Variants in RPS6KA2 observed in about 807,000 individuals in gnomAD.
The protein encoded by RPS6KA2 is ribosomal protein S6 kinase alpha-2.
Under a neutral mutation model 91.8 loss-of-function variants are expected in RPS6KA2, and 42 were observed. That is an observed-to-expected ratio of 0.46 (90% confidence interval 0.36 to 0.59). RPS6KA2 has a LOEUF of 0.59. Among genes scored for constraint, RPS6KA2 ranks in the 20% least tolerant of loss-of-function variants. RPS6KA2 has a pLI of 0.00. For synonymous variants in RPS6KA2, 414 were observed against 393.6 expected (o/e 1.05, Z -0.61); for missense variants, 798 against 978.5 (o/e 0.82, Z 2.46).
At chr6:166,713,232 C>T (rs766248185) in intron 2 of RPS6KA2, among the ~76,000 whole-genome samples, 3 of 152,190 alleles carry the variant, frequency 2.0e-5, no homozygotes, top group Non-Finnish European at 4.4e-5. Flanking sequence ...TGACCCACAG[C>T]CACTTGGATC....
At position 166,665,676 on chromosome 6, in the gene RPS6KA2, T is replaced by A. The variant is rs1186299301; in HGVS notation, c.124-126892A>T. On this transcript the variant is annotated intron_variant, in intron 2 of 21. Transcript: ENST00000503859. The surrounding 1 kb of genome is among the most constrained non-coding windows in gnomAD (Gnocchi z 4.5). ...GAGACATGAAGTTTGCTACTGAAGG[T>A]CTCCCAGCAAGCTGCAGGCGGCCCT... Among the ~76,000 whole-genome samples the A allele has an allele frequency of 3.3e-5, 5 of 152,240 alleles. No homozygotes were observed. The highest frequency in any genetic ancestry group is 3.3e-4 in the Admixed American group (5 of 15,286).
At position 166,774,546 on chromosome 6, in the gene RPS6KA2, C is replaced by T. The variant is rs138538912; in HGVS notation, c.123+83654G>A. Among the ~76,000 whole-genome samples the T allele has an allele frequency of 5.9e-3, 891 of 152,254 alleles. 5 individuals carry two copies. Among genetic ancestry groups the T allele is most frequent in the Middle Eastern group, 0.01 (3 of 294 alleles). On this transcript the variant is annotated intron_variant, in intron 2 of 21. Coordinates refer to the RPS6KA2 transcript ENST00000503859. The stretch of plus-strand genomic sequence containing the variant: ...GTGGCTAAGCTCTCCCAAGATGCTA[C>T]GGACCATGGTAGGGAGCTCAGCCTC...
intron 1 of RPS6KA2, among the ~76,000 whole-genome samples, chr6:166,606,589 T>C (rs1359129729): frequency 1.3e-5 from 2 of 152,246 alleles, no homozygotes; most frequent in African/African-American, 4.8e-5. Flanking sequence ...GCAAATAATA[T>C]GCCTGAGAAG....
At chr6:166,538,455 C>T (rs1440755082) in intron 2 of RPS6KA2, among the ~76,000 whole-genome samples, 2 of 152,194 alleles carry the variant, frequency 1.3e-5, no homozygotes, top group African/African-American at 2.4e-5. Flanking sequence ...TGTGACGGCT[C>T]CAACGGCATT....
At chr6:166,776,920 T>C (rs1481756446) in intron 2 of RPS6KA2, among the ~76,000 whole-genome samples, 1 of 152,228 alleles carries the variant, frequency 6.6e-6, no homozygotes, top group East Asian at 1.9e-4. Context: ...CAATCTTGGG[T>C]ACATACCTAG....
chr6:166,669,216 G>A (rs1458307086), intron 2 of RPS6KA2, among the ~76,000 whole-genome samples: 2 of 152,084 alleles, frequency 1.3e-5, no homozygotes, highest in Non-Finnish European at 2.9e-5. Flanking sequence ...TCTTAATGGG[G>A]ACAGTGACAG....
rs897204425 is a variant in RPS6KA2 at position 166,533,941 on chromosome 6, G to A, written c.217-2628C>T. 9.9e-5 allele frequency among the ~76,000 whole-genome samples: 15 copies of A among 152,034 alleles called. No homozygotes were observed. The highest frequency in any genetic ancestry group is 3.4e-4 in the African/African-American group (14 of 41,408). On this transcript the variant is annotated intron_variant, in intron 2 of 20. Coordinates refer to ENST00000265678, the MANE Select transcript of RPS6KA2 (RefSeq NM_021135.6). The surrounding 1 kb of genome is among the most constrained non-coding windows in gnomAD (Gnocchi z 4.0). ...TAGTAAAAATAAAAATAAAAATTAG[G>A]GCTGGGTGCGGTGGCTCACGCCTGT...
At chr6:166,510,610 T>C (rs568609536) in intron 3 of RPS6KA2, among the ~76,000 whole-genome samples, 5 of 94,586 alleles carry the variant, frequency 5.3e-5, no homozygotes, top group African/African-American at 1.9e-4. Flanking sequence ...TATATATATA[T>C]GCATCTCTAG....
intron 2 of RPS6KA2, among the ~76,000 whole-genome samples, chr6:166,633,941 CG>C: frequency 6.6e-6 from 1 of 152,184 alleles, no homozygotes; most frequent in Non-Finnish European, 1.5e-5. Flanking sequence ...TAGAGGGACA[CG>C]GGGACGGTTT....
intron 3 of RPS6KA2, among the ~76,000 whole-genome samples, chr6:166,524,603 C>T (rs1230115258): frequency 2.0e-5 from 3 of 152,204 alleles, no homozygotes; most frequent in African/African-American, 7.2e-5. Context: ...AAACCTCAAC[C>T]AGGAAAGTCC....
Position 166,514,371 on chromosome 6 carries a change from T to C in RPS6KA2, c.299-4014A>G, listed in dbSNP as rs3799669. Among the ~76,000 whole-genome samples the C allele has an allele frequency of 7.7e-4, 118 of 152,302 alleles. 2 individuals are homozygous for C. In the East Asian group the frequency reaches 0.018, roughly 23 times the overall value. On this transcript the variant is annotated intron_variant, in intron 3 of 20. Transcript: ENST00000265678. ...GTGACCAGTCCCACCTCTTGTGTGCTGGGGGACCTGTGCATGCTGGGGGAA... is the reference window on the plus strand; with the variant it reads ...GTGACCAGTCCCACCTCTTGTGTGCCGGGGGACCTGTGCATGCTGGGGGAA...
chr6:166,754,267 A>T (rs1777931284), intron 2 of RPS6KA2, among the ~76,000 whole-genome samples: 1 of 152,252 alleles, frequency 6.6e-6, no homozygotes, highest in South Asian at 2.1e-4. Context: ...GCAGGGCAAC[A>T]GGTCAGGAGA....
Position 166,789,426 on chromosome 6 carries a change from G to A in RPS6KA2, c.123+68774C>T, listed in dbSNP as rs189698946. Among the ~76,000 whole-genome samples, 1,384 of 152,338 alleles carry A rather than the reference G, an allele frequency of 9.1e-3. 5 individuals are homozygous for A. Among genetic ancestry groups the A allele is most frequent in the Middle Eastern group, 0.014 (4 of 294 alleles). On this transcript the variant is annotated intron_variant, in intron 2 of 21. Transcript: ENST00000503859. ...CGGCCTGCCTGCCTCTGTAGGCTCCGCCTCTGGGGGCAGGGCACAGACAAA... is the reference window on the plus strand; with the variant it reads ...CGGCCTGCCTGCCTCTGTAGGCTCCACCTCTGGGGGCAGGGCACAGACAAA...
At chr6:166,747,979 C>T (rs879145285) in intron 2 of RPS6KA2, among the ~76,000 whole-genome samples, 1 of 152,154 alleles carries the variant, frequency 6.6e-6, no homozygotes, top group Admixed American at 6.5e-5. Context: ...ACATTCTGCC[C>T]TGAGTTGCCC....
intron 1 of RPS6KA2, among the ~76,000 whole-genome samples, chr6:166,539,177 C>T (rs1252267373): frequency 7.2e-5 from 11 of 152,188 alleles, no homozygotes; most frequent in Admixed American, 7.2e-4. Context: ...CTCGGCCTCC[C>T]AAAGTGCTGG....
At chr6:166,614,331 G>A (rs1433602680) in intron 1 of RPS6KA2, among the ~76,000 whole-genome samples, 1 of 152,128 alleles carries the variant, frequency 6.6e-6, no homozygotes, top group Admixed American at 6.5e-5. Flanking sequence ...TGAACACCTC[G>A]AGCCCTCTAT....
chr6:166,611,230 A>G (rs1786159793), intron 1 of RPS6KA2, among the ~76,000 whole-genome samples: 1 of 152,244 alleles, frequency 6.6e-6, no homozygotes, highest in Non-Finnish European at 1.5e-5. Context: ...TATTTTTCAC[A>G]TATAGCCATT....
chr6:166,515,882 A>C (rs1562549703), intron 3 of RPS6KA2, among the ~76,000 whole-genome samples: 1 of 152,218 alleles, frequency 6.6e-6, no homozygotes, highest in Non-Finnish European at 1.5e-5. Context: ...GGCTAGTCAG[A>C]AACTCAGAAG....
At chr6:166,607,230 T>G (rs1282279539) in intron 1 of RPS6KA2, among the ~76,000 whole-genome samples, 2 of 149,602 alleles carry the variant, frequency 1.3e-5, no homozygotes, top group Non-Finnish European at 3.0e-5. Context: ...TAGAAGTTCC[T>G]CAAAAGCTCA....
Sources: gnomAD v4.1 joint callset for allele counts (sites outside exome capture counted in the v4.1 genomes callset) on GRCh38, gnomAD v4.1.1 for gene constraint, Gnocchi (gnomAD v3.1) non-coding constraint, MANE v1.5 for transcripts, NCBI Gene and HGNC (gene_info 2026-07-23, HGNC 2026-07-21) for gene names.